DIAPH3: variants seen among roughly 807,000 people sequenced by gnomAD.
The protein encoded by DIAPH3 is diaphanous related formin 3.
DIAPH3 carries 117 observed loss-of-function variants against 144.3 expected under a neutral mutation model. The ratio of observed to expected loss-of-function variants is 0.81; its 90% CI spans 0.70 to 0.95. The LOEUF (loss-of-function observed/expected upper bound fraction) is 0.95, where lower values mean the gene tolerates loss of function less well. Among genes scored for constraint, DIAPH3 ranks in the 40% least tolerant of loss-of-function variants. The pLI is 0.00. For synonymous variants in DIAPH3, 519 were observed against 488.9 expected (o/e 1.06, Z -0.81); for missense variants, 1,421 against 1,412.7 (o/e 1.01, Z -0.09).
intron 20 of DIAPH3, among the ~76,000 whole-genome samples, chr13:59,892,889 T>G (rs1566477560): frequency 6.6e-6 from 1 of 151,986 alleles, no homozygotes; most frequent in Non-Finnish European, 1.5e-5. Flanking sequence ...CTATAAAAAC[T>G]GTAGGTTAAA....
intron 27 of DIAPH3, chr13:59,695,586 A>C (rs2033757548): frequency 2.0e-5 from 3 of 152,236 alleles, no homozygotes; most frequent in African/African-American, 7.2e-5. Context: ...CTGTAAAAGC[A>C]ACATTCTTAA....
intron 25 of DIAPH3, among the ~76,000 whole-genome samples, chr13:59,806,077 A>C (rs1050158169): frequency 8.6e-5 from 13 of 152,034 alleles, no homozygotes; most frequent in South Asian, 2.1e-4. Flanking sequence ...AATATATGGA[A>C]GGAAGCTCCC....
rs1460023635 is a variant in DIAPH3 at position 59,666,552 on chromosome 13, G to C, written c.*32C>G. The C allele has an allele frequency of 1.2e-6, 2 of 1,612,872 alleles. No individual in the cohort carries two copies. Among genetic ancestry groups the C allele is most frequent in the African/African-American group, 1.3e-5 (1 of 74,940 alleles). On this transcript the variant is annotated 3_prime_UTR_variant, in exon 28 of 28. Transcript: ENST00000400324. ...AGTTTAGAGCATGGCTTTATATTTG[G>C]CTTAATCATTTTTTTTAAAAACCAG...
chr13:59,785,007 T>C (rs1218056041), intron 25 of DIAPH3, among the ~76,000 whole-genome samples: 2 of 152,186 alleles, frequency 1.3e-5, no homozygotes, highest in African/African-American at 4.8e-5. Flanking sequence ...AAATGCTACT[T>C]AAACCAGACA....
At chr13:59,835,284 C>T (rs1204057896) in intron 23 of DIAPH3, among the ~76,000 whole-genome samples, 2 of 151,666 alleles carry the variant, frequency 1.3e-5, no homozygotes, top group Non-Finnish European at 3.0e-5. Context: ...AAAGTCCTTG[C>T]TGTCAAGAAA....
At chr13:60,114,141 G>T (rs1180692762) in intron 2 of DIAPH3, among the ~76,000 whole-genome samples, 1 of 151,934 alleles carries the variant, frequency 6.6e-6, no homozygotes, top group African/African-American at 2.4e-5. Context: ...ACAGCCAGAA[G>T]TAGAACTGAA....
At position 59,991,406 on chromosome 13, in the gene DIAPH3, A is replaced by G; in HGVS notation, c.1245-132T>C. 4 of 701,768 alleles carry G rather than the reference A, an allele frequency of 5.7e-6. No homozygotes were observed. The East Asian group carries it at 7.7e-5, about 14-fold the overall frequency. The allele number at this position is 701,768 out of a possible 1,614,324, so 43.5% of individuals were successfully genotyped here. On this transcript the variant is annotated intron_variant, in intron 11 of 27. Transcript: ENST00000400324. ...CTTATATATTCAACATAAAATACAG[A>G]TATTTAGGATTGAGGGTAGTGGAAA... is the stretch of plus-strand genomic sequence containing the variant.
chr13:59,705,594 G>C (rs568882061), intron 27 of DIAPH3, among the ~76,000 whole-genome samples: 1 of 152,272 alleles, frequency 6.6e-6, no homozygotes, highest in African/African-American at 2.4e-5. Flanking sequence ...GGCTCTGAAG[G>C]CAACTTCAAG....
intron 20 of DIAPH3, 45 bp from the exon 21 acceptor site, chr13:59,879,513 T>C (rs1410735005): frequency 6.8e-6 from 11 of 1,611,400 alleles, no homozygotes; most frequent in Non-Finnish European, 9.3e-6. Context: ...ATGCATGGTA[T>C]AGTTTAGTAC....
intron 27 of DIAPH3, among the ~76,000 whole-genome samples, chr13:59,748,524 C>A (rs2036818448): frequency 6.6e-6 from 1 of 152,166 alleles, no homozygotes; most frequent in African/African-American, 2.4e-5. Flanking sequence ...ATTATTGATC[C>A]ATTTGTTTAA....
intron 23 of DIAPH3, among the ~76,000 whole-genome samples, chr13:59,834,601 G>A (rs925289702): frequency 8.6e-5 from 13 of 151,608 alleles, no homozygotes; most frequent in Non-Finnish European, 1.6e-4. Flanking sequence ...CTACTGCCAG[G>A]TAGGGAGTAA....
At chr13:60,134,482 G>A (rs1014236461) in intron 1 of DIAPH3, among the ~76,000 whole-genome samples, 3 of 152,192 alleles carry the variant, frequency 2.0e-5, no homozygotes, top group African/African-American at 7.2e-5. Flanking sequence ...AAACCCAAAC[G>A]TAGAGGGCTC....
At chr13:60,113,230 G>A (rs1050191337) in intron 2 of DIAPH3, among the ~76,000 whole-genome samples, 2 of 152,050 alleles carry the variant, frequency 1.3e-5, no homozygotes, top group African/African-American at 4.8e-5. Flanking sequence ...AAGTGCTCAA[G>A]AGCCACATGT....
chr13:59,763,520 T>TA (rs1206289856), intron 27 of DIAPH3, among the ~76,000 whole-genome samples: 7 of 151,696 alleles, frequency 4.6e-5, no homozygotes, highest in Non-Finnish European at 1.0e-4. Flanking sequence ...TCACAAAAAA[T>TA]AAAAAATAAA....
intron 17 of DIAPH3, among the ~76,000 whole-genome samples, chr13:59,955,113 C>T (rs2049323341): frequency 1.3e-5 from 2 of 151,130 alleles, no homozygotes; most frequent in Admixed American, 6.6e-5. Context: ...TATACACACA[C>T]ACTTTTATAT....
At position 59,918,223 on chromosome 13, in the gene DIAPH3, A is replaced by AAG. The variant is rs112988613; in HGVS notation, c.2171-1976_2171-1975dup. 2.7e-4 allele frequency among the ~76,000 whole-genome samples: 41 copies of AAG among 150,716 alleles called. No homozygotes were observed. The East Asian group carries it at 2.7e-3, about 10-fold the overall frequency. On this transcript the variant is annotated intron_variant, in intron 18 of 27. Transcript: ENST00000400324. Reference sequence around the variant, plus strand: ...GGCAGCACAGGAAAAAAAAAAAAAAAAGAGAGAGAGAGAGAGATACTGTCC... The same window carrying AAG: ...GGCAGCACAGGAAAAAAAAAAAAAAAAGAGAGAGAGAGAGAGAGATACTGTCC...
chr13:59,772,005 T>C (rs2038149282), intron 27 of DIAPH3, among the ~76,000 whole-genome samples: 1 of 152,046 alleles, frequency 6.6e-6, no homozygotes, highest in Non-Finnish European at 1.5e-5. Context: ...TCAATAACAA[T>C]ATATACTTGT....
At chr13:60,068,487 T>G (rs1026628477) in intron 4 of DIAPH3, among the ~76,000 whole-genome samples, 2 of 152,196 alleles carry the variant, frequency 1.3e-5, no homozygotes, top group African/African-American at 2.4e-5. Context: ...CATTTTTCTT[T>G]GTCTTTTTTT....
At chr13:60,036,533 C>T (rs769794165) in intron 5 of DIAPH3, among the ~76,000 whole-genome samples, 7 of 151,234 alleles carry the variant, frequency 4.6e-5, no homozygotes, top group Admixed American at 2.6e-4. Flanking sequence ...TACTTACCTC[C>T]GTGGTATCAA....
Sources: allele counts gnomAD v4.1 joint callset (sites outside exome capture counted in the v4.1 genomes callset), GRCh38; gene constraint gnomAD v4.1.1; transcripts MANE v1.5; gene names NCBI Gene and HGNC (gene_info 2026-07-23, HGNC 2026-07-21).